The following CADM2 variants were observed in gnomAD, a reference collection of about 807,000 sequenced individuals.
The protein encoded by CADM2 is cell adhesion molecule 2.
In CADM2, 12 loss-of-function variants were observed where a neutral mutation model predicts 49.8. The ratio of observed to expected loss-of-function variants is 0.24; its 90% CI spans 0.15 to 0.39. The LOEUF (loss-of-function observed/expected upper bound fraction) is 0.39. Among genes scored for constraint, CADM2 ranks in the 10% least tolerant of loss-of-function variants. CADM2 has a pLI of 1.00. For synonymous variants in CADM2, 214 were observed against 175.4 expected (o/e 1.22, Z -1.74); for missense variants, 378 against 492.3 (o/e 0.77, Z 2.20).
chr3:85,336,474 A>T (rs2045081390), intron 1 of CADM2, among the ~76,000 whole-genome samples: 1 of 151,488 alleles, frequency 6.6e-6, no homozygotes, highest in South Asian at 2.1e-4. Context: ...CTCAATGGCA[A>T]ATTGATAGCG....
chr3:85,526,826 T>C (rs1246437299), intron 1 of CADM2, among the ~76,000 whole-genome samples: 3 of 152,092 alleles, frequency 2.0e-5, no homozygotes, highest in African/African-American at 7.2e-5. Context: ...AAAATACAAG[T>C]ATTATCCCCA....
chr3:85,803,541 A>G (rs1263726857), intron 3 of CADM2, among the ~76,000 whole-genome samples: 1 of 152,150 alleles, frequency 6.6e-6, no homozygotes, highest in African/African-American at 2.4e-5. Flanking sequence ...AGATCAATTG[A>G]TCGATATTTA....
At chr3:85,784,407 A>AT (rs2070843869) in intron 2 of CADM2, among the ~76,000 whole-genome samples, 1 of 83,372 alleles carries the variant, frequency 1.2e-5, no homozygotes, top group African/African-American at 6.0e-5. Flanking sequence ...ATGCAGTTGA[A>AT]ATTTTTTAAT....
intron 8 of CADM2, among the ~76,000 whole-genome samples, chr3:86,004,930 G>A (rs1348173861): frequency 6.6e-6 from 1 of 152,110 alleles, no homozygotes; most frequent in Non-Finnish European, 1.5e-5. Context: ...TCTACAGAAG[G>A]CCTTTCAGTT....
intron 1 of CADM2, among the ~76,000 whole-genome samples, chr3:85,710,654 C>G (rs963246335): frequency 1.3e-5 from 2 of 152,110 alleles, no homozygotes; most frequent in East Asian, 3.8e-4. Context: ...TGTTTAGGAG[C>G]CTTCTATTGG....
rs575711842 is a variant in CADM2, at chr3:85,800,076, G to T, written c.89-1971G>T. ...CGGCTGCTGCCTTTCTTTTAGGGATGCCCTGCTCAGAGAGGAGGAATCTAG... is the reference window on the plus strand; with the variant it reads ...CGGCTGCTGCCTTTCTTTTAGGGATTCCCTGCTCAGAGAGGAGGAATCTAG... On this transcript the variant is annotated intron_variant, in intron 2 of 9. Coordinates refer to ENST00000383699, the MANE Select transcript of CADM2 (RefSeq NM_001167675.2). The T allele has an allele frequency of 5.3e-5, 8 of 152,364 alleles. No individual in the cohort carries two copies. The East Asian group carries it at 1.5e-3, about 29-fold the overall frequency. The allele number at this position is 152,364 out of a possible 1,614,324, so 9.4% of individuals were successfully genotyped here.
At chr3:85,403,317 G>A (rs1169563865) in intron 1 of CADM2, among the ~76,000 whole-genome samples, 1 of 151,990 alleles carries the variant, frequency 6.6e-6, no homozygotes, top group Non-Finnish European at 1.5e-5. Flanking sequence ...AAAGTGCATT[G>A]AACTAATATT....
chr3:85,000,679 C>A (rs1401212110), intron 1 of CADM2, among the ~76,000 whole-genome samples: 2 of 151,764 alleles, frequency 1.3e-5, no homozygotes, highest in Non-Finnish European at 2.9e-5. Context: ...CAAATTCACT[C>A]TTGGTTGTTG....
chr3:85,202,028 C>T (rs978626831), intron 1 of CADM2, among the ~76,000 whole-genome samples: 2 of 147,634 alleles, frequency 1.4e-5, no homozygotes, highest in African/African-American at 5.1e-5. Context: ...TGCAATGAAC[C>T]GAGATCGCAC....
At chr3:85,891,231 G>T (rs1313702595) in intron 5 of CADM2, among the ~76,000 whole-genome samples, 1 of 152,138 alleles carries the variant, frequency 6.6e-6, no homozygotes, top group Non-Finnish European at 1.5e-5. Flanking sequence ...GAAAAGATGT[G>T]CATTGCCTTC....
intron 1 of CADM2, among the ~76,000 whole-genome samples, chr3:85,462,336 C>G (rs2038286825): frequency 6.6e-6 from 1 of 152,108 alleles, no homozygotes. Context: ...CTAACAAAAC[C>G]AAATTTCTAA....
chr3:85,844,376 A>C (rs2074783451), intron 3 of CADM2, among the ~76,000 whole-genome samples: 1 of 152,054 alleles, frequency 6.6e-6, no homozygotes, highest in African/African-American at 2.4e-5. Flanking sequence ...CTTTTTTAAA[A>C]TGTGTTTTTA....
At chr3:85,205,205 T>C (rs1267676581) in intron 1 of CADM2, among the ~76,000 whole-genome samples, 4 of 151,930 alleles carry the variant, frequency 2.6e-5, no homozygotes, top group African/African-American at 9.7e-5. Flanking sequence ...AAAAAAATTG[T>C]AGAGACAGGG....
At chr3:85,877,483 A>G (rs1712053560) in intron 3 of CADM2, among the ~76,000 whole-genome samples, 1 of 152,072 alleles carries the variant, frequency 6.6e-6, no homozygotes, top group Admixed American at 6.6e-5. Flanking sequence ...AAGTTAAATG[A>G]TATGAATGGT....
chr3:85,405,992 C>G lies in CADM2; in HGVS notation c.62-320530C>G, dbSNP rs147106478. On this transcript the variant is annotated intron_variant, in intron 1 of 9. Coordinates refer to ENST00000383699, the MANE Select transcript of CADM2 (RefSeq NM_001167675.2). Reference sequence around the variant, plus strand: ...TATATGCGTGCATATATATGGAACACTGTAAAATATATAAAGCATTATATA... The same window carrying G: ...TATATGCGTGCATATATATGGAACAGTGTAAAATATATAAAGCATTATATA... 7.2e-4 allele frequency among the ~76,000 whole-genome samples: 109 copies of G among 151,734 alleles called. 3 individuals carry two copies. The Middle Eastern group carries it at 0.01, about 14-fold the overall frequency.
intron 1 of CADM2, among the ~76,000 whole-genome samples, chr3:85,254,104 A>G (rs1237651659): frequency 6.6e-6 from 1 of 152,122 alleles, no homozygotes; most frequent in Non-Finnish European, 1.5e-5. Context: ...TGGAGTTCTT[A>G]TAACCCTTTC....
rs553393837 is a variant in CADM2, at chr3:85,974,179, A to C, written c.970+12532A>C. On this transcript the variant is annotated intron_variant, in intron 8 of 9. Coordinates refer to ENST00000383699, the MANE Select transcript of CADM2 (RefSeq NM_001167675.2). ...AAAAGCTCAGAGAAGGAAGATATTAACTCTTTGCAGAACTGGGCCATGCTT... is the reference window on the plus strand; with the variant it reads ...AAAAGCTCAGAGAAGGAAGATATTACCTCTTTGCAGAACTGGGCCATGCTT... 2.8e-4 allele frequency among the ~76,000 whole-genome samples: 42 copies of C among 151,660 alleles called. No homozygotes were observed. The East Asian group carries it at 5.5e-3, about 20-fold the overall frequency.
chr3:85,280,162 T>C (rs1021371613), intron 1 of CADM2, among the ~76,000 whole-genome samples: 1 of 151,720 alleles, frequency 6.6e-6, no homozygotes, highest in Non-Finnish European at 1.5e-5. Flanking sequence ...GCAAAAACTG[T>C]ACATTTTTAC....
chr3:85,174,659 C>T (rs1238366557), intron 1 of CADM2, among the ~76,000 whole-genome samples: 9 of 151,962 alleles, frequency 5.9e-5, no homozygotes, highest in Admixed American at 5.2e-4. Flanking sequence ...TACTTAATAT[C>T]ATAATTAAAA....
Sources: gnomAD v4.1 joint callset for allele counts (sites outside exome capture counted in the v4.1 genomes callset) on GRCh38, gnomAD v4.1.1 for gene constraint, MANE v1.5 for transcripts, NCBI Gene and HGNC (gene_info 2026-07-23, HGNC 2026-07-21) for gene names.